AP3S1: variants seen among roughly 807,000 people sequenced by gnomAD.
AP3S1 encodes AP-3 complex subunit sigma-1.
In AP3S1, 12 loss-of-function variants were observed where a neutral mutation model predicts 21.3. The observed-to-expected ratio is 0.56, with a 90% CI of 0.36 to 0.91. AP3S1 has a LOEUF of 0.91. Among genes scored for constraint, AP3S1 ranks in the 40% least tolerant of loss-of-function variants. The probability of loss-of-function intolerance (pLI) is 0.01; values close to 1 mark genes in which losing one functional copy is unlikely to be tolerated. For synonymous variants in AP3S1, 48 were observed against 78.4 expected, an observed-to-expected ratio of 0.61 and a Z score of 2.05; for missense variants, 116 against 225.0, an observed-to-expected ratio of 0.52 and a Z score of 3.10.
At chr5:115,895,505 A>G (rs1178633101) in intron 4 of AP3S1, among the ~76,000 whole-genome samples, 3 of 152,196 alleles carry the variant, frequency 2.0e-5, no homozygotes, top group Non-Finnish European at 4.4e-5. Flanking sequence ...GATATATCAT[A>G]CATAGAAAAG....
At chr5:115,869,916 C>A in intron 2 of AP3S1, 101 bp from the exon 3 acceptor site, 1 of 655,954 alleles carries the variant, frequency 1.5e-6, no homozygotes, top group Non-Finnish European at 2.5e-6. Context: ...TGTCACCTTT[C>A]ATTTGACAAG....
At chr5:115,866,208 C>G (rs1763603351) in intron 1 of AP3S1, among the ~76,000 whole-genome samples, 1 of 152,184 alleles carries the variant, frequency 6.6e-6, no homozygotes, top group Non-Finnish European at 1.5e-5. Context: ...GATGGATGGA[C>G]TCTTACCTCA....
chr5:115,908,981 T>C, intron 5 of AP3S1: 1 of 984,782 alleles, frequency 1.0e-6, no homozygotes, highest in Non-Finnish European at 1.2e-6. Context: ...TGCTGTTAGG[T>C]CAAAATTATG....
intron 3 of AP3S1, among the ~76,000 whole-genome samples, chr5:115,872,884 A>G (rs1246560241): frequency 6.6e-6 from 1 of 152,236 alleles, no homozygotes; most frequent in Non-Finnish European, 1.5e-5. Context: ...AAATTAATAT[A>G]GAACCATGCT....
intron 3 of AP3S1, among the ~76,000 whole-genome samples, chr5:115,880,180 G>A (rs1749146187): frequency 6.6e-6 from 1 of 152,012 alleles, no homozygotes; most frequent in Non-Finnish European, 1.5e-5. Flanking sequence ...TTTTTTGAAG[G>A]GTTTTTCATG....
At chr5:115,910,696 CTTTT>C (rs961320124) in intron 5 of AP3S1, among the ~76,000 whole-genome samples, 1 of 150,618 alleles carries the variant, frequency 6.6e-6, no homozygotes, top group Non-Finnish European at 1.5e-5. Context: ...GACATAAAGT[CTTTT>C]TTTTTAGCCC....
chr5:115,896,959 A>G (rs933825660), intron 4 of AP3S1, among the ~76,000 whole-genome samples: 1 of 152,104 alleles, frequency 6.6e-6, no homozygotes, highest in Non-Finnish European at 1.5e-5. Flanking sequence ...TTTTTTTACT[A>G]GAGAAAGAGA....
chr5:115,887,375 T>C (rs199780565), intron 3 of AP3S1, among the ~76,000 whole-genome samples: 3 of 140,224 alleles, frequency 2.1e-5, no homozygotes, highest in African/African-American at 7.9e-5. Context: ...TTTTTTTTTT[T>C]CATTTATTAT....
At chr5:115,905,777 C>G (rs188086209) in intron 5 of AP3S1, among the ~76,000 whole-genome samples, 2 of 152,146 alleles carry the variant, frequency 1.3e-5, no homozygotes, top group Non-Finnish European at 2.9e-5. Context: ...GCAGAATAAT[C>G]CAAAATTACT....
At chr5:115,905,170 A>G (rs1280595378) in intron 5 of AP3S1, among the ~76,000 whole-genome samples, 2 of 152,228 alleles carry the variant, frequency 1.3e-5, no homozygotes, top group African/African-American at 2.4e-5. Flanking sequence ...TATATTGACA[A>G]AAGTTATGAA....
chr5:115,875,592 C>T (rs745521886), intron 3 of AP3S1, among the ~76,000 whole-genome samples: 27 of 152,138 alleles, frequency 1.8e-4, no homozygotes, highest in Non-Finnish European at 3.4e-4. Flanking sequence ...GGAGATGAAC[C>T]AACTCTTGGT....
chr5:115,895,034 A>G (rs1250727589), intron 3 of AP3S1, 53 bp from the exon 4 acceptor site: 3 of 1,224,654 alleles, frequency 2.4e-6, no homozygotes, highest in East Asian at 2.4e-5. Flanking sequence ...CTTATAGATA[A>G]TAGTTTTGAA....
chr5:115,879,279 T>C (rs1749055039), intron 3 of AP3S1, among the ~76,000 whole-genome samples: 1 of 152,230 alleles, frequency 6.6e-6, no homozygotes, highest in Non-Finnish European at 1.5e-5. Context: ...TTGTGCCAGT[T>C]TTCAAAGGGA....
chr5:115,861,855 C>CCTTTCCTTTTTTTTTTTTTTTTTT (rs1763211552), intron 1 of AP3S1, among the ~76,000 whole-genome samples: 1 of 135,798 alleles, frequency 7.4e-6, no homozygotes, highest in African/African-American at 2.7e-5. Context: ...CCAAAATTTT[C>CCTTTCCTTTTTTTTTTTTTTTTTT]TTTTCTTTTC....
intron 5 of AP3S1, chr5:115,903,718 T>C (rs893879376): frequency 6.6e-6 from 1 of 152,152 alleles, no homozygotes; most frequent in African/African-American, 2.4e-5. Flanking sequence ...TACTTCAGAA[T>C]TGTAGTGACT....
chr5:115,864,738 G>T (rs979597233), intron 1 of AP3S1, among the ~76,000 whole-genome samples: 8 of 152,132 alleles, frequency 5.3e-5, no homozygotes, highest in Admixed American at 2.0e-4. Context: ...TCAAGATAAG[G>T]GTTTCAGAGA....
chr5:115,851,080 T>C (rs1762407107), intron 1 of AP3S1, among the ~76,000 whole-genome samples: 1 of 152,234 alleles, frequency 6.6e-6, no homozygotes, highest in African/African-American at 2.4e-5. Flanking sequence ...GCAGTTTCAA[T>C]AGATAAATAT....
Position 115,841,983 on chromosome 5 carries a change from G to C in AP3S1, c.-55G>C, listed in dbSNP as rs1486644697. The C allele has an allele frequency of 9.1e-6, 14 of 1,534,574 alleles. No homozygotes were observed. The highest frequency in any genetic ancestry group is 1.2e-5 in the South Asian group (1 of 83,026). ...CAGGCGAGATTACGAGGCGAGGCTC[G>C]CGCGCCCGCCCCCGCCCTGGCCCCC... On this transcript the variant is annotated 5_prime_UTR_variant, in exon 1 of 6. Transcript: ENST00000316788.
In AP3S1 at chr5:115,891,858, C is replaced by T. The variant is rs1467239131; in HGVS notation, c.274-3229C>T. ...CCACAGGGTTGGAGCTGCCCAAGGCCGTGGGAGCCCACCTCTTGCATCAGA... is the reference window on the plus strand; with the variant it reads ...CCACAGGGTTGGAGCTGCCCAAGGCTGTGGGAGCCCACCTCTTGCATCAGA... On this transcript the variant is annotated intron_variant, in intron 3 of 5. Transcript: ENST00000316788. Among the ~76,000 whole-genome samples, 8 of 152,242 alleles carry T rather than the reference C, an allele frequency of 5.3e-5. No homozygotes were observed. In the East Asian group the frequency reaches 1.2e-3, roughly 22 times the overall value.
Sources: gnomAD v4.1 joint callset for allele counts (sites outside exome capture counted in the v4.1 genomes callset) on GRCh38, gnomAD v4.1.1 for gene constraint, MANE v1.5 for transcripts, NCBI Gene and HGNC (gene_info 2026-07-23, HGNC 2026-07-21) for gene names.